The following GABRB1 variants were observed in gnomAD, a reference collection of about 807,000 sequenced individuals.
The protein encoded by GABRB1 is gamma-aminobutyric acid type A receptor subunit beta1, also known as gamma-aminobutyric acid receptor subunit beta-1.
In GABRB1, 17 loss-of-function variants were observed where a neutral mutation model predicts 51.6. The ratio of observed to expected loss-of-function variants is 0.33; its 90% CI spans 0.23 to 0.49. The LOEUF (loss-of-function observed/expected upper bound fraction) is 0.49, where lower values mean the gene tolerates loss of function less well. Ranked by LOEUF, GABRB1 falls within the 20% of genes least tolerant of loss-of-function variation. The probability of loss-of-function intolerance (pLI) is 0.99; values close to 1 mark genes in which losing one functional copy is unlikely to be tolerated. For synonymous variants in GABRB1, 247 were observed against 218.9 expected, an observed-to-expected ratio of 1.13 and a Z score of -1.14; for missense variants, 410 against 600.6, an observed-to-expected ratio of 0.68 and a Z score of 3.32.
upstream of GABRB1, among the ~76,000 whole-genome samples, chr4:47,026,571 C>T (rs1725102876): frequency 6.6e-6 from 1 of 151,900 alleles, no homozygotes; most frequent in Admixed American, 6.6e-5. Flanking sequence ...CTTAATAGTC[C>T]TCATTCTCTG....
intron 4 of GABRB1, among the ~76,000 whole-genome samples, chr4:47,316,746 G>T (rs1189206592): frequency 6.6e-6 from 1 of 151,898 alleles, no homozygotes; most frequent in Non-Finnish European, 1.5e-5. Context: ...CACAGGGGTT[G>T]GGGCTGTTGT....
chr4:47,165,415 C>A (rs937985437), intron 4 of GABRB1, among the ~76,000 whole-genome samples: 1 of 152,014 alleles, frequency 6.6e-6, no homozygotes, highest in African/African-American at 2.4e-5. Flanking sequence ...CTACACATTA[C>A]TCCTCTATCT....
rs1043934962 is a variant in GABRB1 at position 47,076,825 on chromosome 4, G to A, written c.240+44341G>A. 1.2e-4 allele frequency among the ~76,000 whole-genome samples: 18 copies of A among 152,026 alleles called. No homozygotes were observed. The East Asian group carries it at 1.9e-3, about 16-fold the overall frequency. ...TCTCTGTGTCTCTTGCTTCCCTTCC[G>A]AGCACACTCCCATAATAAATCACTT... On this transcript the variant is annotated intron_variant, in intron 3 of 8. Coordinates refer to ENST00000295454, the MANE Select transcript of GABRB1 (RefSeq NM_000812.4).
At chr4:47,208,257 T>A (rs892027431) in intron 4 of GABRB1, among the ~76,000 whole-genome samples, 3 of 152,066 alleles carry the variant, frequency 2.0e-5, no homozygotes, top group Admixed American at 2.0e-4. Context: ...TAATGTATAA[T>A]TCCAATTATA....
intron 4 of GABRB1, among the ~76,000 whole-genome samples, chr4:47,192,389 T>C (rs1026013095): frequency 2.0e-5 from 3 of 152,198 alleles, no homozygotes; most frequent in African/African-American, 4.8e-5. Flanking sequence ...GGTGAATATA[T>C]ATTTTTGTGA....
At chr4:47,066,449 A>G (rs938645102) in intron 3 of GABRB1, among the ~76,000 whole-genome samples, 1 of 152,356 alleles carries the variant, frequency 6.6e-6, no homozygotes, top group South Asian at 2.1e-4. Context: ...TTTTATTCAT[A>G]GTAGAACTTC....
intron 5 of GABRB1, among the ~76,000 whole-genome samples, chr4:47,393,532 G>T (rs900598623): frequency 6.6e-6 from 1 of 152,114 alleles, no homozygotes. Flanking sequence ...TTTTTTCTTT[G>T]CATACTGAAA....
rs552935394 is a variant in GABRB1 at position 47,387,354 on chromosome 4, C to A, written c.545-15964C>A. Among the ~76,000 whole-genome samples, 9 of 152,198 alleles carry A rather than the reference C, an allele frequency of 5.9e-5. No individual in the cohort carries two copies. The South Asian group carries it at 1.9e-3, about 32-fold the overall frequency. On this transcript the variant is annotated intron_variant, in intron 5 of 8. Coordinates refer to ENST00000295454, the MANE Select transcript of GABRB1 (RefSeq NM_000812.4). ...TTTTATGGTGTTATGCACTTGTAAT[C>A]CCAGCTACTCTGGAGGCTGAGGCAG...
At chr4:47,201,683 C>A (rs1274628534) in intron 4 of GABRB1, among the ~76,000 whole-genome samples, 1 of 151,948 alleles carries the variant, frequency 6.6e-6, no homozygotes, top group Non-Finnish European at 1.5e-5. Flanking sequence ...ATGTATTATT[C>A]ATTACCAATA....
At chr4:47,273,804 T>G (rs896785892) in intron 4 of GABRB1, among the ~76,000 whole-genome samples, 4 of 151,494 alleles carry the variant, frequency 2.6e-5, no homozygotes, top group Non-Finnish European at 5.9e-5. Flanking sequence ...ATTTTATTAT[T>G]GAGATTGAGG....
At chr4:47,015,685 A>G (rs1029036643) in intron 1 of GABRB1, among the ~76,000 whole-genome samples, 1 of 152,350 alleles carries the variant, frequency 6.6e-6, no homozygotes, top group Non-Finnish European at 1.5e-5. Flanking sequence ...ATAATTTGTA[A>G]AGATTATTAA....
intron 5 of GABRB1, among the ~76,000 whole-genome samples, chr4:47,361,059 C>A (rs574088173): frequency 6.6e-6 from 1 of 152,020 alleles, no homozygotes; most frequent in Non-Finnish European, 1.5e-5. Flanking sequence ...CTGGATACTG[C>A]GGCCAGAATT....
rs1018024037 is a variant in GABRB1 at position 47,294,740 on chromosome 4, T to A, written c.462-25387T>A. Among the ~76,000 whole-genome samples the A allele has an allele frequency of 3.3e-5, 5 of 152,328 alleles. No homozygotes were observed. The East Asian group carries it at 7.7e-4, about 23-fold the overall frequency. On this transcript the variant is annotated intron_variant, in intron 4 of 8. Coordinates refer to ENST00000295454, the MANE Select transcript of GABRB1 (RefSeq NM_000812.4). ...GACTTAAATGTCCCTGTCTGACAGC[T>A]TTGAAGGGAGCAGTGGTTCTCCCAG...
At chr4:47,275,528 T>A (rs1004148570) in intron 4 of GABRB1, among the ~76,000 whole-genome samples, 3 of 152,172 alleles carry the variant, frequency 2.0e-5, no homozygotes, top group African/African-American at 4.8e-5. Flanking sequence ...AGGGACTAAA[T>A]AATGATAAAG....
chr4:47,348,676 G>A (rs1021729997), intron 5 of GABRB1, among the ~76,000 whole-genome samples: 5 of 152,150 alleles, frequency 3.3e-5, no homozygotes, highest in Non-Finnish European at 7.3e-5. Flanking sequence ...TTTTGTAGAA[G>A]TTTTGTCTTT....
intron 5 of GABRB1, among the ~76,000 whole-genome samples, chr4:47,361,396 G>T (rs1032773266): frequency 6.6e-6 from 1 of 152,162 alleles, no homozygotes; most frequent in Non-Finnish European, 1.5e-5. Flanking sequence ...AGGAACATGG[G>T]TATTTGAGAA....
chr4:47,426,029 AATGGTT>A lies in GABRB1; in HGVS notation c.*12_*17del. 6.5e-7 allele frequency: 1 copy of A among 1,542,322 alleles called. No homozygotes were observed. The highest frequency in any genetic ancestry group is 1.9e-5 in the Admixed American group (1 of 51,778). Reference sequence around the variant, plus strand: ...TACTATGTACACTGAGGTCTGTTCTAATGGTTCCATTTAGACTACTTTCCTCTTCTA... The same window carrying A: ...TACTATGTACACTGAGGTCTGTTCTACCATTTAGACTACTTTCCTCTTCTA... On this transcript the variant is annotated 3_prime_UTR_variant, in exon 9 of 9. Coordinates refer to ENST00000295454, the MANE Select transcript of GABRB1 (RefSeq NM_000812.4).
At chr4:47,077,899 G>C (rs1727631033) in intron 3 of GABRB1, among the ~76,000 whole-genome samples, 2 of 125,122 alleles carry the variant, frequency 1.6e-5, no homozygotes, top group South Asian at 4.8e-4. Flanking sequence ...TATATTATAT[G>C]TATTTTATAT....
At chr4:47,239,287 T>G (rs1721437902) in intron 4 of GABRB1, among the ~76,000 whole-genome samples, 2 of 152,244 alleles carry the variant, frequency 1.3e-5, no homozygotes, top group African/African-American at 4.8e-5. Flanking sequence ...GTTGACTGAA[T>G]CAGTTGTTCA....
Sources: allele counts gnomAD v4.1 joint callset (sites outside exome capture counted in the v4.1 genomes callset), GRCh38; gene constraint gnomAD v4.1.1; transcripts MANE v1.5; gene names NCBI Gene and HGNC (gene_info 2026-07-23, HGNC 2026-07-21).